SNTG1: variants seen among roughly 807,000 people sequenced by gnomAD.
SNTG1 encodes the protein syntrophin gamma 1, also known as gamma-1-syntrophin.
Under a neutral mutation model 74.7 loss-of-function variants are expected in SNTG1, and 39 were observed. That is an observed-to-expected ratio of 0.52 (90% CI 0.40 to 0.68). The LOEUF is 0.68. Among genes scored for constraint, SNTG1 ranks in the 30% least tolerant of loss-of-function variants. SNTG1 has a pLI of 0.00. For synonymous variants in SNTG1, 254 were observed against 217.1 expected (o/e 1.17, Z -1.49); for missense variants, 685 against 609.5 (o/e 1.12, Z -1.30).
At chr8:50,100,732 T>C (rs1000126393) in intron 1 of SNTG1, among the ~76,000 whole-genome samples, 1 of 152,124 alleles carries the variant, frequency 6.6e-6, no homozygotes, top group Non-Finnish European at 1.5e-5. Context: ...TTCTATGTCA[T>C]ATTTCCATTT....
chr8:50,190,982 C>T (rs75148626), intron 2 of SNTG1, among the ~76,000 whole-genome samples: 6,732 of 152,110 alleles, frequency 0.044, 184 homozygotes, highest in Middle Eastern at 0.088. Context: ...TAAATTATGC[C>T]GGGTTATAGT....
At chr8:50,294,650 T>G (rs1263411789) in intron 2 of SNTG1, among the ~76,000 whole-genome samples, 1 of 152,190 alleles carries the variant, frequency 6.6e-6, no homozygotes, top group Non-Finnish European at 1.5e-5. Flanking sequence ...CCCACCCATG[T>G]TATGGCAAAT....
In SNTG1 at chr8:50,207,655, A is replaced by G. The variant is rs563270783; in HGVS notation, c.-28+35020A>G. On this transcript the variant is annotated intron_variant, in intron 2 of 18. Transcript: ENST00000642720. The stretch of plus-strand genomic sequence containing the variant: ...CTTCTCTAGTTCTTTTAGTTGTGAT[A>G]TTATGGTGTCAATTTTACATCTTTC... Among the ~76,000 whole-genome samples the G allele has an allele frequency of 1.8e-3, 277 of 152,042 alleles. 2 individuals are homozygous for G. The highest frequency in any genetic ancestry group is 6.3e-3 in the African/African-American group (261 of 41,496).
intron 1 of SNTG1, among the ~76,000 whole-genome samples, chr8:50,138,517 C>T (rs950294916): frequency 6.6e-6 from 1 of 151,664 alleles, no homozygotes; most frequent in South Asian, 2.1e-4. Context: ...CCCAGCTACT[C>T]AGGAGGCTGA....
intron 1 of SNTG1, among the ~76,000 whole-genome samples, chr8:49,992,369 C>A (rs1414787625): frequency 1.3e-5 from 2 of 152,050 alleles, no homozygotes; most frequent in African/African-American, 2.4e-5. Context: ...ACTAACTTGG[C>A]AATTTTGCAT....
intron 2 of SNTG1, among the ~76,000 whole-genome samples, chr8:50,269,884 T>C (rs1293247197): frequency 6.6e-6 from 1 of 152,170 alleles, no homozygotes; most frequent in Non-Finnish European, 1.5e-5. Context: ...AGGAGGAAGA[T>C]AGCAATGCTT....
At chr8:50,487,041 G>A (rs528464310) in intron 8 of SNTG1, among the ~76,000 whole-genome samples, 6 of 152,272 alleles carry the variant, frequency 3.9e-5, no homozygotes, top group South Asian at 4.1e-4. Context: ...TGTGCTGCTG[G>A]ATTCGGTTTG....
chr8:50,290,587 A>G (rs935492902), intron 2 of SNTG1, among the ~76,000 whole-genome samples: 2 of 152,140 alleles, frequency 1.3e-5, no homozygotes, highest in Non-Finnish European at 2.9e-5. Context: ...AATATCCTTG[A>G]TTCCTAAATA....
chr8:50,664,841 G>A (rs373109472), intron 15 of SNTG1, among the ~76,000 whole-genome samples: 53 of 152,212 alleles, frequency 3.5e-4, no homozygotes, highest in African/African-American at 1.2e-3. Flanking sequence ...AGTAGTGAAA[G>A]GAATGTCTGT....
At chr8:50,687,361 G>A (rs944194043) in intron 15 of SNTG1, among the ~76,000 whole-genome samples, 1 of 152,072 alleles carries the variant, frequency 6.6e-6, no homozygotes, top group South Asian at 2.1e-4. Context: ...ATGAATGAAT[G>A]GATAAAAACA....
intron 13 of SNTG1, among the ~76,000 whole-genome samples, chr8:50,631,205 C>T (rs1247772908): frequency 6.6e-6 from 1 of 152,126 alleles, no homozygotes; most frequent in African/African-American, 2.4e-5. Context: ...GGCAAATATT[C>T]TTGTCTTTTT....
chr8:50,100,240 G>A (rs377567247), intron 1 of SNTG1, among the ~76,000 whole-genome samples: 21 of 152,194 alleles, frequency 1.4e-4, no homozygotes, highest in African/African-American at 5.1e-4. Context: ...GAGTAAAATA[G>A]AGTAGAATAG....
At chr8:50,770,748 A>G (rs1233645653) in intron 18 of SNTG1, among the ~76,000 whole-genome samples, 1 of 151,926 alleles carries the variant, frequency 6.6e-6, no homozygotes, top group Non-Finnish European at 1.5e-5. Context: ...CTCTTGTGGG[A>G]GTGGGTGAGT....
chr8:50,378,509 A>G (rs1037376191), intron 2 of SNTG1, among the ~76,000 whole-genome samples: 3 of 152,188 alleles, frequency 2.0e-5, no homozygotes, highest in African/African-American at 7.2e-5. Context: ...TGCTGTGACC[A>G]GGAAAAATGA....
At chr8:50,322,199 C>T (rs1328597996) in intron 2 of SNTG1, among the ~76,000 whole-genome samples, 1 of 151,902 alleles carries the variant, frequency 6.6e-6, no homozygotes, top group Non-Finnish European at 1.5e-5. Flanking sequence ...GATAAAATCC[C>T]TCAGGTTTGT....
At chr8:50,175,288 A>G (rs1043703394) in intron 2 of SNTG1, among the ~76,000 whole-genome samples, 7 of 152,182 alleles carry the variant, frequency 4.6e-5, no homozygotes, top group Admixed American at 4.6e-4. Context: ...GAATCGCCAC[A>G]CCGAAGCAGC....
chr8:50,216,087 G>A (rs2084778754), intron 2 of SNTG1, among the ~76,000 whole-genome samples: 1 of 152,128 alleles, frequency 6.6e-6, no homozygotes, highest in African/African-American at 2.4e-5. Context: ...GGTACTGACA[G>A]ATGGCTTGGA....
intron 2 of SNTG1, among the ~76,000 whole-genome samples, chr8:50,260,661 A>G (rs1459246109): frequency 6.6e-6 from 1 of 151,912 alleles, no homozygotes; most frequent in African/African-American, 2.4e-5. Context: ...TAAAATAAAT[A>G]TGACTATCGT....
intron 1 of SNTG1, among the ~76,000 whole-genome samples, chr8:50,096,402 G>T (rs1419542253): frequency 6.6e-6 from 1 of 152,186 alleles, no homozygotes; most frequent in Non-Finnish European, 1.5e-5. Context: ...TTATTGGATA[G>T]AAGTGGCGAG....
Sources: allele counts gnomAD v4.1 joint callset (sites outside exome capture counted in the v4.1 genomes callset), GRCh38; gene constraint gnomAD v4.1.1; transcripts MANE v1.5; gene names NCBI Gene and HGNC (gene_info 2026-07-23, HGNC 2026-07-21).